ZNF236: variants seen among roughly 807,000 people sequenced by gnomAD.
ZNF236 encodes regulated by glucose.
In ZNF236, 50 loss-of-function variants were observed where a neutral mutation model predicts 191.2. The ratio of observed to expected loss-of-function variants is 0.26; its 90% CI spans 0.21 to 0.33. The LOEUF (loss-of-function observed/expected upper bound fraction) is 0.33, where lower values mean the gene tolerates loss of function less well. Ranked by LOEUF, ZNF236 falls within the 10% of genes least tolerant of loss-of-function variation. The pLI, the probability that ZNF236 is intolerant of heterozygous loss-of-function variation, is 1.00. For synonymous variants in ZNF236, 907 were observed against 928.8 expected, an observed-to-expected ratio of 0.98 and a Z score of 0.43; for missense variants, 1,754 against 2,374.5, an observed-to-expected ratio of 0.74 and a Z score of 5.43.
At chr18:76,831,688 A>G (rs1205631142) in intron 1 of ZNF236, among the ~76,000 whole-genome samples, 3 of 152,250 alleles carry the variant, frequency 2.0e-5, no homozygotes, top group African/African-American at 7.2e-5. Context: ...TGTACATCCT[A>G]ACCAGCATTT....
At chr18:76,844,776 C>T (rs1303622618) in intron 1 of ZNF236, among the ~76,000 whole-genome samples, 1 of 152,146 alleles carries the variant, frequency 6.6e-6, no homozygotes, top group Non-Finnish European at 1.5e-5. Context: ...TGTAGGGTCT[C>T]TAGGTGGGGA....
chr18:76,944,028 T>G (rs966116967), intron 26 of ZNF236, among the ~76,000 whole-genome samples: 1 of 152,252 alleles, frequency 6.6e-6, no homozygotes, highest in Non-Finnish European at 1.5e-5. Context: ...AGAATGCCTT[T>G]CATCAGTATC....
Position 76,960,353 on chromosome 18 carries a change from G to A in ZNF236, c.5243-326G>A, listed in dbSNP as rs1968634627. Among the ~76,000 whole-genome samples, 1 of 152,162 alleles carries A rather than the reference G, an allele frequency of 6.6e-6. No individual in the cohort carries two copies. Among genetic ancestry groups the A allele is most frequent in the East Asian group, 1.9e-4 (1 of 5,184 alleles). On this transcript the variant is annotated intron_variant, in intron 29 of 30. Coordinates refer to ENST00000320610, the MANE Select transcript of ZNF236 (RefSeq NM_001306089.2). The surrounding 1 kb of genome is among the most constrained non-coding windows in gnomAD (Gnocchi z 4.4). ...GTGTCAGCCCTTCCGTCTCCGCCCTGCCCTAACAGGACATCATCCCGGGCT... is the reference window on the plus strand; with the variant it reads ...GTGTCAGCCCTTCCGTCTCCGCCCTACCCTAACAGGACATCATCCCGGGCT...
At chr18:76,824,930 C>G (rs1018481023) in intron 1 of ZNF236, among the ~76,000 whole-genome samples, 2 of 152,176 alleles carry the variant, frequency 1.3e-5, no homozygotes, top group Non-Finnish European at 2.9e-5. Context: ...ATAAATCTGT[C>G]ACTTGTCAGC....
chr18:76,910,943 C>T (rs1408559721), intron 16 of ZNF236, 132 bp downstream of exon 16: 2 of 918,708 alleles, frequency 2.2e-6, no homozygotes, highest in Admixed American at 5.7e-5. Flanking sequence ...ATTAAGGTTA[C>T]TGCATTACCT....
chr18:76,829,464 A>G (rs1257539975), intron 1 of ZNF236, among the ~76,000 whole-genome samples: 1 of 151,942 alleles, frequency 6.6e-6, no homozygotes, highest in South Asian at 2.1e-4. Context: ...AGTACCTGGC[A>G]CTACACCCTC....
chr18:76,958,045 G>A (rs1190311930), intron 28 of ZNF236, among the ~76,000 whole-genome samples: 1 of 152,186 alleles, frequency 6.6e-6, no homozygotes, highest in Non-Finnish European at 1.5e-5. Flanking sequence ...AGCGTCCTCT[G>A]GTGCAGTGAG....
intron 1 of ZNF236, chr18:76,849,234 T>C (rs776275960): frequency 7.8e-5 from 21 of 270,402 alleles, no homozygotes; most frequent in Non-Finnish European, 1.2e-4. Context: ...GGCTTTTGTG[T>C]GTTTTGGTGT....
At chr18:76,837,933 GA>G (rs879611350) in intron 1 of ZNF236, among the ~76,000 whole-genome samples, 16 of 152,144 alleles carry the variant, frequency 1.1e-4, no homozygotes, top group Non-Finnish European at 2.1e-4. Context: ...TTTATGTCAA[GA>G]CACATTAAAA....
Position 76,955,739 on chromosome 18 carries a change from C to T in ZNF236, c.4915-246C>T, listed in dbSNP as rs139407763. Among the ~76,000 whole-genome samples, 1,491 of 152,236 alleles carry T rather than the reference C, an allele frequency of 9.8e-3. 25 individuals are homozygous for T. Among genetic ancestry groups the T allele is most frequent in the African/African-American group, 0.035 (1,433 of 41,536 alleles). Reference sequence around the variant, plus strand: ...AGCTGGAATTTGCACCTGGTCAGTGCGGCGCCAGAGCTCATTCCTTAGCTG... The same window carrying T: ...AGCTGGAATTTGCACCTGGTCAGTGTGGCGCCAGAGCTCATTCCTTAGCTG... On this transcript the variant is annotated intron_variant, in intron 27 of 30. Transcript: ENST00000320610.
chr18:76,961,312 C>T (rs906550496), intron 30 of ZNF236, among the ~76,000 whole-genome samples: 1 of 151,688 alleles, frequency 6.6e-6, no homozygotes, highest in Non-Finnish European at 1.5e-5. Flanking sequence ...CAATTTCATC[C>T]AGGTGGTTGC....
rs1976866214 is a variant in ZNF236 at position 76,880,686 on chromosome 18, A to G, written c.1188+370A>G. ...TTGGAGACAGTCATGGGTGTTGACAATTCTGAGAGCGTTCATACTGCCTGG... is the reference window on the plus strand; with the variant it reads ...TTGGAGACAGTCATGGGTGTTGACAGTTCTGAGAGCGTTCATACTGCCTGG... On this transcript the variant is annotated intron_variant, in intron 8 of 30. Transcript: ENST00000320610. This position sits in a 1 kb window ranked among gnomAD's most constrained non-coding sequence, Gnocchi z 5.0. Among the ~76,000 whole-genome samples, 2 of 152,146 alleles carry G rather than the reference A, an allele frequency of 1.3e-5. No individual in the cohort carries two copies. Among genetic ancestry groups the G allele is most frequent in the African/African-American group, 4.8e-5 (2 of 41,430 alleles).
chr18:76,849,313 C>A (rs988818975), intron 1 of ZNF236: 5 of 465,098 alleles, frequency 1.1e-5, no homozygotes, highest in Admixed American at 8.0e-5. Flanking sequence ...ATTTAGAATT[C>A]TGTTGTCCCA....
chr18:76,968,952 T>TA lies in ZNF236; in HGVS notation c.*614dup, dbSNP rs535140823. ...CCATGACAAATGTTTAATCATTAGT[T>TA]ACAAGAATGCAGTATCTGGGGCGTC... On this transcript the variant is annotated 3_prime_UTR_variant, in exon 31 of 31. Coordinates refer to ENST00000320610, the MANE Select transcript of ZNF236 (RefSeq NM_001306089.2). The TA allele has an allele frequency of 7.0e-5, 69 of 985,984 alleles. No homozygotes were observed. In the African/African-American group the frequency reaches 1.1e-3, roughly 16 times the overall value. The allele number at this position is 985,984 out of a possible 1,614,324, so 61.1% of individuals were successfully genotyped here.
At chr18:76,904,624 T>C (rs909429564) in intron 12 of ZNF236, 103 bp downstream of exon 12, 2 of 1,048,784 alleles carry the variant, frequency 1.9e-6, no homozygotes, top group Non-Finnish European at 2.6e-6. Context: ...GCTTTTGGTA[T>C]TAAAGATGTC....
At chr18:76,824,079 C>A in intron 1 of ZNF236, 1 of 523,536 alleles carries the variant, frequency 1.9e-6, no homozygotes. Flanking sequence ...TCAAGTGTTC[C>A]CCTTTTCTTG....
At chr18:76,867,207 A>G (rs1976443374) in intron 3 of ZNF236, among the ~76,000 whole-genome samples, 1 of 143,226 alleles carries the variant, frequency 7.0e-6, no homozygotes, top group Admixed American at 7.2e-5. Flanking sequence ...TTTTGTTCAG[A>G]TGCATTCAGG....
At chr18:76,938,831 G>A (rs1426350056) in intron 26 of ZNF236, among the ~76,000 whole-genome samples, 3 of 152,086 alleles carry the variant, frequency 2.0e-5, no homozygotes, top group Non-Finnish European at 2.9e-5. Context: ...GGGACCTGTC[G>A]GGCAGCCCCT....
chr18:76,930,002 G>C (rs1374045156), intron 25 of ZNF236, among the ~76,000 whole-genome samples: 1 of 152,178 alleles, frequency 6.6e-6, no homozygotes, highest in Non-Finnish European at 1.5e-5. Flanking sequence ...GAAAAGCAAA[G>C]ACAGTCCTTT....
Sources: gnomAD v4.1 joint callset for allele counts (sites outside exome capture counted in the v4.1 genomes callset) on GRCh38, gnomAD v4.1.1 for gene constraint, Gnocchi (gnomAD v3.1) non-coding constraint, MANE v1.5 for transcripts, NCBI Gene and HGNC (gene_info 2026-07-23, HGNC 2026-07-21) for gene names.